FOXD4L1: variants seen among roughly 807,000 people sequenced by gnomAD.
FOXD4L1 encodes the protein forkhead box protein D4-like 1.
A neutral mutation model predicts 24.8 loss-of-function variants in FOXD4L1; 10 were observed. The observed-to-expected ratio is 0.40, with a 90% CI of 0.25 to 0.68. The LOEUF is 0.68. Ranked by LOEUF, FOXD4L1 falls within the 30% of genes least tolerant of loss-of-function variation. FOXD4L1 has a pLI of 0.37. For missense variants in FOXD4L1, 364 were observed against 572.4 expected (o/e 0.64, Z 3.72); for synonymous variants, 159 against 256.4 (o/e 0.62, Z 3.63).
chr2:113,500,495 T>C (rs1424126591), exon 1 of FOXD4L1: 4 of 1,517,018 alleles, frequency 2.6e-6, no homozygotes, highest in Non-Finnish European at 2.7e-6. Context: ...CTGACATCGC[T>C]GGCTGCCCCT....
chr2:113,500,952 T>C (rs975678432), exon 1 of FOXD4L1: 7 of 251,926 alleles, frequency 2.8e-5, no homozygotes, highest in African/African-American at 4.7e-5. Flanking sequence ...TCCTTGGAAC[T>C]GGAAGTGTTA....
At chr2:113,499,531 C>G (rs562260022) in exon 1 of FOXD4L1, 1 of 1,605,164 alleles carries the variant, frequency 6.2e-7, no homozygotes, top group African/African-American at 1.4e-5. Context: ...TTCAGGGCAC[C>G]GCCAAGGTCT....
At position 113,499,049 on chromosome 2, in the gene FOXD4L1, A is replaced by G. The variant is rs539202162; in HGVS notation, c.-208A>G. 443 of 767,478 alleles carry G rather than the reference A, an allele frequency of 5.8e-4. 2 individuals carry two copies. The African/African-American group carries it at 7.2e-3, about 12-fold the overall frequency. The allele number at this position is 767,478 out of a possible 1,614,324, so 47.5% of individuals were successfully genotyped here. On this transcript the variant is annotated 5_prime_UTR_variant, in exon 1 of 1. The change abolishes an upstream ATG in the 5' untranslated region. Coordinates refer to ENST00000306507, the Ensembl canonical transcript of FOXD4L1. Reference sequence around the variant, plus strand: ...TTATAAAGGGGGGAGTCCACCACACATGGTCTTGAAGAAGCTTTTATAAAA... The same window carrying G: ...TTATAAAGGGGGGAGTCCACCACACGTGGTCTTGAAGAAGCTTTTATAAAA...
Position 113,499,956 on chromosome 2 carries a change from C to A in FOXD4L1, c.700C>A (p.Pro234Thr), listed in dbSNP as rs755413336. Residue 234 changes from proline (P) to threonine (T), a missense_variant, in exon 1 of 1, where the codon CCT becomes ACT. Physicochemically the swap from Pro to Thr is conservative, Grantham distance 38 (BLOSUM62 -1). Transcript: ENST00000306507. ...CGCCCTGCACAACCCCCGCCCAGGC[C>A]CTCTGCTTGGGGCCCCTGCCCTGCC... 32 of 1,538,820 alleles carry A rather than the reference C, an allele frequency of 2.1e-5. 5 individuals carry two copies. The highest frequency in any genetic ancestry group is 2.7e-5 in the Non-Finnish European group (31 of 1,140,418).
At chr2:113,501,006 T>A in exon 1 of FOXD4L1, 1 of 180,086 alleles carries the variant, frequency 5.6e-6, no homozygotes, top group Non-Finnish European at 1.2e-5. Flanking sequence ...TGTGTCTTCC[T>A]GATAGGGATG....
exon 1 of FOXD4L1, chr2:113,500,114 C>A: frequency 6.5e-7 from 1 of 1,543,194 alleles, no homozygotes; most frequent in Non-Finnish European, 8.7e-7. Flanking sequence ...AAGCAGAAGG[C>A]GCGGACCTGG....
chr2:113,499,234 G>A (rs1251850614), exon 1 of FOXD4L1: 4 of 1,611,632 alleles, frequency 2.5e-6, no homozygotes, highest in African/African-American at 2.7e-5. Context: ...CACATCCCCT[G>A]CGACTGAAGC....
rs549231439 is a variant in FOXD4L1 at position 113,499,764 on chromosome 2, C to T, written c.508C>T (p.Arg170Cys). Residue 170 changes from arginine (R) to cysteine (C), a missense_variant, in exon 1 of 1, where the codon CGC becomes TGC. Physicochemically the swap from Arg to Cys is radical, Grantham distance 180 (BLOSUM62 -3). Transcript: ENST00000306507. The stretch of plus-strand genomic sequence containing the variant: ...GAACGACTGCTTCGTCAAGATCCCC[C>T]GCGAGCCGGGCCACCCAGGCAAGGG... 20 of 1,579,988 alleles carry T rather than the reference C, an allele frequency of 1.3e-5. No homozygotes were observed. The highest frequency in any genetic ancestry group is 1.2e-4 in the South Asian group (11 of 89,462).
At position 113,500,294 on chromosome 2, in the gene FOXD4L1, G is replaced by T. The variant is rs141308325; in HGVS notation, c.1038G>T (p.Pro346=). The stretch of plus-strand genomic sequence containing the variant: ...CAGGGGCTGCGCAGAGTTTGTCCCC[G>T]ACCGCGTGGAGCTACTGCCCCCTGC... The change falls in exon 1 of 1, where the codon CCG becomes CCT. Residue 346 remains proline (P), a synonymous_variant. Transcript: ENST00000306507. The T allele has an allele frequency of 3.7e-3, 5,747 of 1,537,334 alleles. 786 individuals are homozygous for T. In the African/African-American group the frequency reaches 0.067, roughly 18 times the overall value.
At chr2:113,499,761 C>G (rs752666253) in exon 1 of FOXD4L1, 6 of 1,591,804 alleles carry the variant, frequency 3.8e-6, no homozygotes, top group Non-Finnish European at 5.1e-6. Context: ...CGTCAAGATC[C>G]CCCGCGAGCC....
chr2:113,498,933 G>A, exon 1 of FOXD4L1: 1 of 546,212 alleles, frequency 1.8e-6, no homozygotes. Context: ...AGGGGGCTGG[G>A]CTTTTCTCCG....
chr2:113,500,870 G>A, exon 1 of FOXD4L1: 1 of 399,894 alleles, frequency 2.5e-6, no homozygotes, highest in South Asian at 5.2e-5. Context: ...TTTTGTTCTG[G>A]CATTAGAAGA....
exon 1 of FOXD4L1, chr2:113,499,222 G>A: frequency 2.5e-6 from 4 of 1,611,748 alleles, no homozygotes; most frequent in Non-Finnish European, 2.5e-6. Context: ...GTGATCGGCC[G>A]CCACATCCCC....
In FOXD4L1 at chr2:113,499,479, G is replaced by T; in HGVS notation, c.223G>T (p.Glu75Ter). The stretch of plus-strand genomic sequence containing the variant: ...GGTTGCGCTTCCCCGAGAGCACATC[G>T]AGGGCGGCGGCCCGAGCGACCCCTC... Residue 75 changes from glutamate (E) to a stop codon, truncating the protein, a stop_gained, in exon 1 of 1, where the codon GAG becomes TAG. Coordinates refer to ENST00000306507, the Ensembl canonical transcript of FOXD4L1. LOFTEE classifies it high-confidence loss of function. 3 of 1,530,226 alleles carry T rather than the reference G, an allele frequency of 2.0e-6. 1 individual carries two copies. The highest frequency in any genetic ancestry group is 1.8e-6 in the Non-Finnish European group (2 of 1,131,242). The allele number at this position is 1,530,226 out of a possible 1,614,324, so 94.8% of individuals were successfully genotyped here.
exon 1 of FOXD4L1, chr2:113,500,614 C>A (rs1682426293): frequency 6.9e-7 from 1 of 1,458,048 alleles, no homozygotes; most frequent in Non-Finnish European, 9.1e-7. Flanking sequence ...GAGCGATCCG[C>A]AGCTGCTCAC....
chr2:113,500,034 G>A, exon 1 of FOXD4L1: 1 of 1,585,296 alleles, frequency 6.3e-7, no homozygotes, highest in Non-Finnish European at 8.5e-7. Context: ...ACGCCCTTAC[G>A]CTCTGCTGCA....
At chr2:113,500,543 C>G (rs1682425397) in exon 1 of FOXD4L1, 3 of 1,503,126 alleles carry the variant, frequency 2.0e-6, no homozygotes. Context: ...TTTTTAGTAT[C>G]GCCCACGCCC....
rs146009388 is a variant in FOXD4L1, at chr2:113,499,665, A to G, written c.409A>G (p.Ile137Val). Residue 137 changes from isoleucine (I) to valine (V), a missense_variant, in exon 1 of 1, where the codon ATT (isoleucine) becomes GTT (valine). Coordinates refer to ENST00000306507, the Ensembl canonical transcript of FOXD4L1. ...CACGCTCAGCGGCATCTGCGCCTTC[A>G]TTAGTGGCCGCTTCCCCTACTACCG... 5.3e-5 allele frequency: 85 copies of G among 1,609,212 alleles called. No homozygotes were observed. The highest frequency in any genetic ancestry group is 6.5e-5 in the Non-Finnish European group (77 of 1,179,094).
exon 1 of FOXD4L1, chr2:113,501,090 T>C (rs1041351990): frequency 2.0e-5 from 3 of 146,368 alleles, no homozygotes; most frequent in African/African-American, 8.5e-5. Flanking sequence ...TCTTTAATGT[T>C]AAAATTAAGG....
Sources: gnomAD v4.1 joint callset for allele counts on GRCh38, gnomAD v4.1.1 for gene constraint, MANE v1.5 for transcripts, NCBI Gene and HGNC (gene_info 2026-07-23, HGNC 2026-07-21) for gene names.